The following CXXC5 variants were observed in gnomAD, a reference collection of about 807,000 sequenced individuals.
The protein encoded by CXXC5 is CXXC finger protein 5.
A neutral mutation model predicts 17.6 loss-of-function variants in CXXC5; 2 were observed. That is an observed-to-expected ratio of 0.11 (90% CI 0.05 to 0.36). The LOEUF (loss-of-function observed/expected upper bound fraction) is 0.36, where lower values mean the gene tolerates loss of function less well. Ranked by LOEUF, CXXC5 falls within the 10% of genes least tolerant of loss-of-function variation. The pLI, the probability that CXXC5 is intolerant of heterozygous loss-of-function variation, is 1.00. For missense variants in CXXC5, 343 were observed against 458.3 expected, an observed-to-expected ratio of 0.75 and a Z score of 2.30; for synonymous variants, 171 against 193.0, an observed-to-expected ratio of 0.89 and a Z score of 0.94.
chr5:139,653,025 A>C (rs948432973), intron 1 of CXXC5, among the ~76,000 whole-genome samples: 1 of 151,930 alleles, frequency 6.6e-6, no homozygotes, highest in African/African-American at 2.4e-5. Context: ...GTCTTACTGA[A>C]TCTCCCCCTC....
rs577038617 is a variant in CXXC5 at position 139,669,290 on chromosome 5, C to T, written c.-160-11074C>T. Among the ~76,000 whole-genome samples the T allele has an allele frequency of 5.1e-4, 78 of 152,328 alleles. 1 individual carries two copies. The highest frequency in any genetic ancestry group is 3.4e-3 in the Middle Eastern group (1 of 294). ...TGATTTTTTAATTATGCAGCCAGTG[C>T]TCGGAATTGCTAATCCCCCTCCAGC... On this transcript the variant is annotated intron_variant, in intron 1 of 2. Coordinates refer to ENST00000302517, the MANE Select transcript of CXXC5 (RefSeq NM_016463.9).
At chr5:139,653,313 G>T (rs1755310274) in intron 1 of CXXC5, among the ~76,000 whole-genome samples, 1 of 152,150 alleles carries the variant, frequency 6.6e-6, no homozygotes, top group Non-Finnish European at 1.5e-5. Context: ...GGAGGGAGGG[G>T]GTTGTGCCCC....
intron 1 of CXXC5, among the ~76,000 whole-genome samples, chr5:139,673,424 C>A (rs1016991461): frequency 2.0e-5 from 3 of 152,208 alleles, no homozygotes; most frequent in Non-Finnish European, 4.4e-5. Flanking sequence ...TTATCAGAGG[C>A]ATCCCAGGCA....
At chr5:139,681,524 C>A (rs73790943) in intron 2 of CXXC5, 77 bp downstream of exon 2, 16 of 1,491,444 alleles carry the variant, frequency 1.1e-5, no homozygotes, top group Non-Finnish European at 1.4e-5. Context: ...TCCCCTGACC[C>A]CACTTTTCCT....
Position 139,668,084 on chromosome 5 carries a change from C to T in CXXC5, c.-160-12280C>T, listed in dbSNP as rs1304331469. ...CCTTCCTGGGCTGGGCCTGCGGCAC[C>T]CTCCCCAACCTCAGGTAGGGGGCCT... On this transcript the variant is annotated intron_variant, in intron 1 of 2. Coordinates refer to ENST00000302517, the MANE Select transcript of CXXC5 (RefSeq NM_016463.9). This position sits in a 1 kb window ranked among gnomAD's most constrained non-coding sequence, Gnocchi z 4.1. Among the ~76,000 whole-genome samples, 1 of 152,116 alleles carries T rather than the reference C, an allele frequency of 6.6e-6. No homozygotes were observed. Among genetic ancestry groups the T allele is most frequent in the Non-Finnish European group, 1.5e-5 (1 of 68,006 alleles).
rs1450634591 is a variant in CXXC5 at position 139,658,496 on chromosome 5, T to TA, written c.-161+9652dup. On this transcript the variant is annotated intron_variant, in intron 1 of 2. Coordinates refer to ENST00000302517, the MANE Select transcript of CXXC5 (RefSeq NM_016463.9). This position sits in a 1 kb window ranked among gnomAD's most constrained non-coding sequence, Gnocchi z 4.1. ...GGGACAGAAATACCTGTTCTGCCCC[T>TA]AGCCAGCCCCTCTCTGGAGCTCTAG... is the stretch of plus-strand genomic sequence containing the variant. 1.3e-5 allele frequency among the ~76,000 whole-genome samples: 2 copies of TA among 151,824 alleles called. No homozygotes were observed. The highest frequency in any genetic ancestry group is 4.8e-5 in the African/African-American group (2 of 41,320).
intron 1 of CXXC5, among the ~76,000 whole-genome samples, chr5:139,678,566 G>A (rs1055741954): frequency 1.3e-5 from 2 of 152,200 alleles, no homozygotes; most frequent in African/African-American, 4.8e-5. Context: ...CCTCACCCTA[G>A]AGACAGAGCT....
At chr5:139,671,209 G>A (rs1756448216) in intron 1 of CXXC5, among the ~76,000 whole-genome samples, 1 of 152,222 alleles carries the variant, frequency 6.6e-6, no homozygotes, top group African/African-American at 2.4e-5. Context: ...GGGGGTTCCA[G>A]GTGTGTCATG....
Position 139,681,216 on chromosome 5 carries a change from C to T in CXXC5, c.693C>T (p.Ala231=), listed in dbSNP as rs950540225. 1.2e-5 allele frequency: 20 copies of T among 1,612,524 alleles called. No homozygotes were observed. The highest frequency in any genetic ancestry group is 1.1e-4 in the African/African-American group (8 of 74,950). Residue 231 remains alanine (A), a synonymous_variant, in exon 2 of 3, where the codon GCC becomes GCT. Transcript: ENST00000302517. ...TGACCCCGGCAGGTGTGTTCCTGGC[C>T]GAGAGCGCGCTGCACATGGCGGGCC... ...FIMTPAGVFL[A]ESALHMAGLA... is the part of the protein sequence containing the mutation.
rs909598041 is a variant in CXXC5 at position 139,658,163 on chromosome 5, C to T, written c.-161+9318C>T. Among the ~76,000 whole-genome samples the T allele has an allele frequency of 6.6e-6, 1 of 152,044 alleles. No homozygotes were observed. The highest frequency in any genetic ancestry group is 2.1e-4 in the South Asian group (1 of 4,810). On this transcript the variant is annotated intron_variant, in intron 1 of 2. Transcript: ENST00000302517. The surrounding 1 kb of genome is among the most constrained non-coding windows in gnomAD (Gnocchi z 4.1). ...AGATGGGAAATTAGTTAACTGGGCT[C>T]ATAGCAGTAGGCAGAAGTGGACCTG...
At chr5:139,676,938 C>T (rs1756865324) in intron 1 of CXXC5, among the ~76,000 whole-genome samples, 1 of 150,904 alleles carries the variant, frequency 6.6e-6, no homozygotes, top group Non-Finnish European at 1.5e-5. Flanking sequence ...TCTATTCTGC[C>T]CCCGCATGCC....
chr5:139,655,732 A>G (rs888717010), intron 1 of CXXC5, among the ~76,000 whole-genome samples: 20 of 99,006 alleles, frequency 2.0e-4, no homozygotes, highest in African/African-American at 7.0e-4. Context: ...CCCCCCAACC[A>G]CTGTCCACCC....
intron 1 of CXXC5, among the ~76,000 whole-genome samples, chr5:139,664,430 A>G (rs1018442620): frequency 7.2e-5 from 11 of 152,060 alleles, no homozygotes; most frequent in African/African-American, 2.7e-4. Context: ...TCTTTGGTAT[A>G]CAGGGACATA....
At chr5:139,679,708 C>G (rs1471518189) in intron 1 of CXXC5, 1 of 152,220 alleles carries the variant, frequency 6.6e-6, no homozygotes, top group African/African-American at 2.4e-5. Flanking sequence ...GTCATCCAGG[C>G]TGGAATGCAG....
At position 139,682,948 on chromosome 5, in the gene CXXC5, C is replaced by T; in HGVS notation, c.*41C>T. 3.9e-6 allele frequency: 6 copies of T among 1,547,244 alleles called. No homozygotes were observed. The highest frequency in any genetic ancestry group is 4.4e-6 in the Non-Finnish European group (5 of 1,139,064). On this transcript the variant is annotated 3_prime_UTR_variant, in exon 3 of 3. Transcript: ENST00000302517. Reference sequence around the variant, plus strand: ...AAGCTGCCCTCTCCGTGCAATGTCACTGCTCGTGTGGTCTCCAGCAAGGGA... The same window carrying T: ...AAGCTGCCCTCTCCGTGCAATGTCATTGCTCGTGTGGTCTCCAGCAAGGGA...
chr5:139,676,863 G>A (rs550258360), intron 1 of CXXC5, among the ~76,000 whole-genome samples: 5 of 151,704 alleles, frequency 3.3e-5, no homozygotes, highest in African/African-American at 1.2e-4. Context: ...TTCCTCTCCA[G>A]CTCCCCTTTT....
rs979366195 is a variant in CXXC5 at position 139,670,990 on chromosome 5, C to T, written c.-160-9374C>T. 2.0e-5 allele frequency among the ~76,000 whole-genome samples: 3 copies of T among 152,198 alleles called. No individual in the cohort carries two copies. The highest frequency in any genetic ancestry group is 7.2e-5 in the African/African-American group (3 of 41,438). The stretch of plus-strand genomic sequence containing the variant: ...GCCCCCTGAGCCCGCTCCCAGGTGC[C>T]CAGCATCCTTGGGTAGTTATGCCAC... On this transcript the variant is annotated intron_variant, in intron 1 of 2. Coordinates refer to ENST00000302517, the MANE Select transcript of CXXC5 (RefSeq NM_016463.9). The surrounding 1 kb of genome is among the most constrained non-coding windows in gnomAD (Gnocchi z 4.2).
At chr5:139,682,281 C>T (rs1248763278) in intron 2 of CXXC5, among the ~76,000 whole-genome samples, 1 of 152,144 alleles carries the variant, frequency 6.6e-6, no homozygotes, top group Admixed American at 6.5e-5. Flanking sequence ...TGGAAAACAA[C>T]AGTGGTATAT....
At chr5:139,662,944 C>G (rs1755905497) in intron 1 of CXXC5, among the ~76,000 whole-genome samples, 1 of 152,228 alleles carries the variant, frequency 6.6e-6, no homozygotes, top group South Asian at 2.1e-4. Flanking sequence ...ATTATGTCAC[C>G]TGGATCTCCA....
Sources: allele counts gnomAD v4.1 joint callset (sites outside exome capture counted in the v4.1 genomes callset), GRCh38; gene constraint gnomAD v4.1.1; non-coding constraint Gnocchi (gnomAD v3.1); transcripts MANE v1.5; gene names NCBI Gene and HGNC (gene_info 2026-07-23, HGNC 2026-07-21).